DAB2: variants seen among roughly 807,000 people sequenced by gnomAD.
DAB2 encodes the protein DAB adaptor protein 2.
In DAB2, 28 loss-of-function variants were observed where a neutral mutation model predicts 71.6. That is an observed-to-expected ratio of 0.39 (90% CI 0.29 to 0.54). The LOEUF (loss-of-function observed/expected upper bound fraction) is 0.54, where lower values mean the gene tolerates loss of function less well. DAB2 is among the 20% of genes least tolerant of loss of function. The pLI, the probability that DAB2 is intolerant of heterozygous loss-of-function variation, is 0.68. For synonymous variants in DAB2, 345 were observed against 339.7 expected (o/e 1.02, Z -0.17); for missense variants, 867 against 928.8 (o/e 0.93, Z 0.86).
chr5:39,394,294 T>A lies in DAB2; in HGVS notation c.27A>T (p.Ala9=). The change falls in exon 2 of 15, where the codon GCA becomes GCT. Residue 9 remains alanine, a synonymous_variant. Transcript: ENST00000320816. The part of the protein sequence containing the change: MSNEVETS[A]TNGQPDQQAA... ...CCTGTTGGTCGGGCTGACCATTGGTTGCACTTGTTTCTACTTCGTTAGACA... is the reference window on the plus strand; with the variant it reads ...CCTGTTGGTCGGGCTGACCATTGGTAGCACTTGTTTCTACTTCGTTAGACA... 1.9e-6 allele frequency: 3 copies of A among 1,614,180 alleles called. No homozygotes were observed. Among genetic ancestry groups the A allele is most frequent in the Non-Finnish European group, 2.5e-6 (3 of 1,180,014 alleles).
chr5:39,377,118 G>C lies in DAB2; in HGVS notation c.1669C>G (p.Gln557Glu), dbSNP rs997830882. 1.2e-6 allele frequency: 2 copies of C among 1,614,016 alleles called. No individual in the cohort carries two copies. The highest frequency in any genetic ancestry group is 1.3e-5 in the African/African-American group (1 of 74,900). ...GTSPAVSGWN[Q>E]PSPFAASTPP... ...GTTGAGGCTGCAAAGGGTGAAGGCT[G>C]GTTCCAACCTGAAACAGCTGGACTT... The change falls in exon 12 of 15, where the codon CAG becomes GAG. Residue 557 changes from glutamine (Q) to glutamate (E), a missense_variant. Coordinates refer to ENST00000320816, the MANE Select transcript of DAB2 (RefSeq NM_001343.4).
At chr5:39,415,418 T>G (rs1755824959) in intron 1 of DAB2, among the ~76,000 whole-genome samples, 1 of 152,180 alleles carries the variant, frequency 6.6e-6, no homozygotes, top group Non-Finnish European at 1.5e-5. Flanking sequence ...TATGCTCATT[T>G]GGCATTCAGT....
At chr5:39,384,559 T>G (rs62358396) in intron 9 of DAB2, among the ~76,000 whole-genome samples, 4 of 152,168 alleles carry the variant, frequency 2.6e-5, no homozygotes, top group African/African-American at 9.7e-5. Flanking sequence ...GAAAGACATA[T>G]CAAATATGTA....
At chr5:39,391,346 G>C (rs1755223159) in intron 4 of DAB2, among the ~76,000 whole-genome samples, 1 of 152,106 alleles carries the variant, frequency 6.6e-6, no homozygotes, top group Admixed American at 6.5e-5. Flanking sequence ...AGATATCTTA[G>C]AGTATCTTAG....
rs1208767709 is a variant in DAB2, at chr5:39,376,925, T to C, written c.1862A>G (p.Gln621Arg). 1.9e-6 allele frequency: 3 copies of C among 1,613,948 alleles called. No homozygotes were observed. The highest frequency in any genetic ancestry group is 2.5e-6 in the Non-Finnish European group (3 of 1,179,996). Residue 621 changes from glutamine to arginine, a missense_variant, in exon 12 of 15, where the codon CAG becomes CGG. Around this residue, in one of 2 missense-constraint regions of DAB2, gnomAD observed 740 missense variants for 734.3 expected, o/e 1.01. Transcript: ENST00000320816. ...GGGAGGGCCAGCTCTGGGAGGTGGC[T>C]GAGGAGGAGTGACCAGGAGAGAGGA... ...MHSSLLVTPP[Q>R]PPPRAGPPKD...
At position 39,388,327 on chromosome 5, in the gene DAB2, G is replaced by A. The variant is rs1207110292; in HGVS notation, c.665C>T (p.Pro222Leu). The A allele has an allele frequency of 6.2e-7, 1 of 1,612,144 alleles. No individual in the cohort carries two copies. The highest frequency in any genetic ancestry group is 8.5e-7 in the Non-Finnish European group (1 of 1,178,864). The change falls in exon 9 of 15, where the codon CCT becomes CTT. Residue 222 changes from proline (P) to leucine (L), a missense_variant. By Grantham distance (98) the Pro-to-Leu change is moderately conservative (BLOSUM62 -3). This residue lies in a region of DAB2 where 740 missense variants were observed against 734.3 expected (regional missense o/e 1.01). Transcript: ENST00000320816. Reference sequence around the variant, plus strand: ...TACTGTTGGACTATTTAGGTCAGGAGGTGTAGACATGTCCCCAAACAAATC... The same window carrying A: ...TACTGTTGGACTATTTAGGTCAGGAAGTGTAGACATGTCCCCAAACAAATC... ...QMDLFGDMST[P>L]PDLNSPTESK...
intron 1 of DAB2, among the ~76,000 whole-genome samples, chr5:39,417,036 C>T (rs2112110129): frequency 1.3e-5 from 2 of 152,172 alleles, no homozygotes; most frequent in Middle Eastern, 6.8e-3. Context: ...ATTTGGTTTT[C>T]CTGCTTTAAT....
intron 1 of DAB2, among the ~76,000 whole-genome samples, chr5:39,396,837 C>T (rs1336433306): frequency 2.0e-5 from 3 of 152,162 alleles, no homozygotes; most frequent in Non-Finnish European, 4.4e-5. Flanking sequence ...ACTTGTGTGG[C>T]TGTCAGAGGA....
rs368860640 is a variant in DAB2 at position 39,382,901 on chromosome 5, C to T, written c.1058G>A (p.Arg353Gln). The T allele has an allele frequency of 1.1e-5, 18 of 1,613,972 alleles. No homozygotes were observed. Among genetic ancestry groups the T allele is most frequent in the Admixed American group, 3.3e-5 (2 of 59,998 alleles). ...TGCCTGAGCTTCCTGTTTGCCAGTC[C>T]GGTTAGAGATCTGGTCAAATTGCTG... ...FGQQFDQISNRTGKQEAQAGP... is the reference protein window; with the variant it reads ...FGQQFDQISNQTGKQEAQAGP... Residue 353 changes from arginine (R) to glutamine (Q), a missense_variant, in exon 10 of 15, where the codon CGG becomes CAG. By Grantham distance (43) the Arg-to-Gln change is conservative (BLOSUM62 1). Transcript: ENST00000320816.
intron 10 of DAB2, among the ~76,000 whole-genome samples, chr5:39,382,150 A>C (rs1405438046): frequency 6.6e-6 from 1 of 152,202 alleles, no homozygotes; most frequent in Non-Finnish European, 1.5e-5. Flanking sequence ...GCTTAGAAAA[A>C]GCTTATGTAT....
Position 39,410,437 on chromosome 5 carries a change from G to A in DAB2, c.-102+14367C>T, listed in dbSNP as rs912644507. Among the ~76,000 whole-genome samples, 3 of 152,136 alleles carry A rather than the reference G, an allele frequency of 2.0e-5. No individual in the cohort carries two copies. The East Asian group carries it at 5.8e-4, about 29-fold the overall frequency. On this transcript the variant is annotated intron_variant, in intron 1 of 14. Coordinates refer to ENST00000320816, the MANE Select transcript of DAB2 (RefSeq NM_001343.4). ...TATGAAGTAATAGCCCATGCAAGAT[G>A]TTGTTTCTTATAAACCTTATACTAC...
In DAB2 at chr5:39,382,930, A is replaced by C. The variant is rs761675775; in HGVS notation, c.1029T>G (p.Phe343Leu). ...TAGAGATCTGGTCAAATTGCTGACC[A>C]AAGTAGTCAACATCACCATTCAGGG... ...NGPLNGDVDY[F>L]GQQFDQISNR... The change falls in exon 10 of 15, where the codon TTT becomes TTG. Residue 343 changes from phenylalanine to leucine, a missense_variant. Physicochemically the swap from Phe to Leu is conservative, Grantham distance 22 (BLOSUM62 0). Transcript: ENST00000320816. The C allele has an allele frequency of 2.5e-6, 4 of 1,614,138 alleles. No individual in the cohort carries two copies. Among genetic ancestry groups the C allele is most frequent in the Non-Finnish European group, 1.7e-6 (2 of 1,180,022 alleles).
intron 9 of DAB2, among the ~76,000 whole-genome samples, chr5:39,386,948 T>A (rs1233760146): frequency 1.3e-5 from 2 of 152,176 alleles, no homozygotes; most frequent in Admixed American, 6.5e-5. Flanking sequence ...AAAAAGTTTA[T>A]CCTCAGAACT....
rs1561373222 is a variant in DAB2 at position 39,395,934 on chromosome 5, A to ATTTTTTTT, written c.-101-1514_-101-1513insAAAAAAAA. 2.5e-3 allele frequency among the ~76,000 whole-genome samples: 82 copies of ATTTTTTTT among 32,726 alleles called. 2 individuals are homozygous for ATTTTTTTT. Among genetic ancestry groups the ATTTTTTTT allele is most frequent in the South Asian group, 7.9e-3 (6 of 756 alleles). The allele number at this position is 32,726 out of a possible 152,430, so 21.5% of individuals were successfully genotyped here. A position where few individuals can be genotyped will look rare whatever the true frequency, so the allele number is the denominator to read the frequency against. ...CCAGAGGGAAGGCTAAGACACAGAT[A>ATTTTTTTT]TTCTTTTTTTTTTTTTTTTTTTTTT... On this transcript the variant is annotated intron_variant, in intron 1 of 14. Transcript: ENST00000320816.
intron 11 of DAB2, among the ~76,000 whole-genome samples, chr5:39,378,722 T>C (rs987661845): frequency 6.6e-6 from 1 of 152,158 alleles, no homozygotes; most frequent in Non-Finnish European, 1.5e-5. Context: ...GGGAAGGTCA[T>C]AGTCTGGGAT....
At chr5:39,408,845 TACA>T (rs893148314) in intron 1 of DAB2, 2 of 152,184 alleles carry the variant, frequency 1.3e-5, no homozygotes, top group African/African-American at 2.4e-5. Context: ...TCCTAGAATA[TACA>T]ACATCAGACT....
At chr5:39,424,713 C>CG (rs992760677) in intron 1 of DAB2, 91 bp downstream of exon 1, 59 of 40,820 alleles carry the variant, frequency 1.4e-3, no homozygotes, top group Non-Finnish European at 1.3e-3. Context: ...TAGCGGGGGG[C>CG]GGGGGGGTGA....
intron 1 of DAB2, among the ~76,000 whole-genome samples, chr5:39,399,119 G>C (rs1341271991): frequency 6.6e-6 from 1 of 152,162 alleles, no homozygotes; most frequent in African/African-American, 2.4e-5. Flanking sequence ...GGGTCTGTTT[G>C]AAAGCTCTAG....
intron 3 of DAB2, among the ~76,000 whole-genome samples, chr5:39,392,798 G>A (rs2095489957): frequency 6.6e-6 from 1 of 152,196 alleles, no homozygotes; most frequent in Non-Finnish European, 1.5e-5. Flanking sequence ...TTCACATAGT[G>A]CCATAGTACT....
Sources: gnomAD v4.1 joint callset for allele counts (sites outside exome capture counted in the v4.1 genomes callset) on GRCh38, gnomAD v4.1.1 for gene constraint, gnomAD v4.1.1 regional missense constraint, MANE v1.5 for transcripts, NCBI Gene and HGNC (gene_info 2026-07-23, HGNC 2026-07-21) for gene names.